GABRA3: variants seen among roughly 807,000 people sequenced by gnomAD.
GABRA3 encodes gamma-aminobutyric acid type A receptor subunit alpha3.
Under a neutral mutation model 30.1 loss-of-function variants are expected in GABRA3, and 10 were observed. The ratio of observed to expected loss-of-function variants is 0.33; its 90% CI spans 0.20 to 0.56. The LOEUF (loss-of-function observed/expected upper bound fraction) is 0.56. Among genes scored for constraint, GABRA3 ranks in the 20% least tolerant of loss-of-function variants. GABRA3 has a pLI of 0.89. For missense variants in GABRA3, 233 were observed against 392.0 expected, an observed-to-expected ratio of 0.59 and a Z score of 3.42; for synonymous variants, 151 against 146.8, an observed-to-expected ratio of 1.03 and a Z score of -0.21.
At chrX:152,323,651 T>C (rs773757772) in intron 3 of GABRA3, among the ~76,000 whole-genome samples, 4 of 112,421 alleles carry the variant, frequency 3.6e-5, no homozygotes, top group African/African-American at 1.3e-4. Flanking sequence ...TATATTCTTT[T>C]CTTCACATTC....
chrX:152,308,523 A>C (rs752014561), intron 3 of GABRA3, among the ~76,000 whole-genome samples: 7 of 112,376 alleles, frequency 6.2e-5, no homozygotes, highest in Non-Finnish European at 1.3e-4. Context: ...CACACAGCCC[A>C]GGAATGCTGA....
intron 5 of GABRA3, among the ~76,000 whole-genome samples, chrX:152,231,288 TAC>T (rs1938072376): frequency 9.2e-6 from 1 of 108,738 alleles, no homozygotes; most frequent in Non-Finnish European, 1.9e-5. Context: ...TGTATACATA[TAC>T]GTGTATATAT....
chrX:152,259,813 G>A lies in GABRA3; in HGVS notation c.331-3815C>T, dbSNP rs1036252116. On this transcript the variant is annotated intron_variant, in intron 4 of 9. Transcript: ENST00000370314. ...GGTGAGACTCAGTACATTCCCAGCT[G>A]TGATGGCTATGGTACTAGACGCTTT... 1.8e-5 allele frequency among the ~76,000 whole-genome samples: 2 copies of A among 110,595 alleles called. 1 individual carries two copies. The highest frequency in any genetic ancestry group is 3.8e-5 in the Non-Finnish European group (2 of 52,914).
chrX:152,389,581 T>C (rs1473162667), intron 1 of GABRA3: 1 of 111,200 alleles, frequency 9.0e-6, no homozygotes, highest in Non-Finnish European at 1.9e-5. Flanking sequence ...CAAGAACACA[T>C]CTATGCAGCC....
At chrX:152,387,326 A>C (rs1446613806) in intron 1 of GABRA3, among the ~76,000 whole-genome samples, 1 of 111,831 alleles carries the variant, frequency 8.9e-6, no homozygotes, top group Admixed American at 9.5e-5. Flanking sequence ...AAGGAAAATC[A>C]TGATTCCATT....
In GABRA3 at chrX:152,189,740, A is replaced by C. The variant is rs200749137; in HGVS notation, c.1133T>G (p.Leu378Arg). The C allele has an allele frequency of 8.3e-7, 1 of 1,202,903 alleles. No individual in the cohort carries two copies. The highest frequency in any genetic ancestry group is 1.1e-6 in the Non-Finnish European group (1 of 889,093). Residue 378 changes from leucine (L) to arginine (R), a missense_variant, in exon 9 of 10, where the codon CTG becomes CGG. Transcript: ENST00000370314. ...AWEGKKVPEALEMKKKTPAAP... is the reference protein window; with the variant it reads ...AWEGKKVPEAREMKKKTPAAP... ...TTTGCTATATCTCACCTTCATCTCC[A>C]GGGCCTCTGGCACCTTCTTGCCTTC...
chrX:152,298,685 A>G, intron 3 of GABRA3, among the ~76,000 whole-genome samples: 1 of 111,166 alleles, frequency 9.0e-6, no homozygotes, highest in Non-Finnish European at 1.9e-5. Context: ...TAATAAACAT[A>G]CGTGTGCATG....
At chrX:152,330,871 A>G (rs1292543843) in intron 3 of GABRA3, among the ~76,000 whole-genome samples, 2 of 111,745 alleles carry the variant, frequency 1.8e-5, no homozygotes, top group Non-Finnish European at 1.9e-5. Flanking sequence ...ACTGTTTCCT[A>G]TGTATTCATA....
chrX:152,308,860 T>C (rs183131357), intron 3 of GABRA3, among the ~76,000 whole-genome samples: 6 of 112,217 alleles, frequency 5.3e-5, no homozygotes, highest in South Asian at 3.7e-4. Context: ...GTGAAGAAAG[T>C]TGAAACTCAA....
In GABRA3 at chrX:152,284,751, T is replaced by C; in HGVS notation, c.263-16A>G. The stretch of plus-strand genomic sequence containing the variant: ...GTCACTGCATCTGCGTGAAAGAAAG[T>C]AGAAAAGCAGAATGTCAGGAAAGGC... On this transcript the variant is annotated splice_polypyrimidine_tract_variant and intron_variant, in intron 3 of 9. Transcript: ENST00000370314. 1 of 1,145,807 alleles carries C rather than the reference T, an allele frequency of 8.7e-7. No homozygotes were observed. The highest frequency in any genetic ancestry group is 1.2e-6 in the Non-Finnish European group (1 of 843,086). The allele number at this position is 1,145,807 out of a possible 1,213,427, so 94.4% of individuals were successfully genotyped here.
At chrX:152,395,697 G>A (rs1417856575) in intron 1 of GABRA3, among the ~76,000 whole-genome samples, 7 of 111,627 alleles carry the variant, frequency 6.3e-5, no homozygotes, top group Non-Finnish European at 1.1e-4. Flanking sequence ...AGACTATATC[G>A]CTGTAAATAC....
rs146033754 is a variant in GABRA3, at chrX:152,389,720, G to A, written c.-26-25124C>T. ...CAAAATGAGCTCTTGACTATGTTATGAGAAGATGATATAGAAGGAGACAAC... is the reference window on the plus strand; with the variant it reads ...CAAAATGAGCTCTTGACTATGTTATAAGAAGATGATATAGAAGGAGACAAC... On this transcript the variant is annotated intron_variant, in intron 1 of 9. Coordinates refer to ENST00000370314, the MANE Select transcript of GABRA3 (RefSeq NM_000808.4). 6.8e-3 allele frequency among the ~76,000 whole-genome samples: 759 copies of A among 111,427 alleles called. 11 individuals are homozygous for A. The highest frequency in any genetic ancestry group is 0.023 in the African/African-American group (711 of 30,726).
At chrX:152,241,746 C>T (rs370204811) in intron 5 of GABRA3, among the ~76,000 whole-genome samples, 5 of 109,614 alleles carry the variant, frequency 4.6e-5, no homozygotes, top group South Asian at 4.1e-4. Flanking sequence ...GCGCAATATT[C>T]GGGTGGGAGT....
At chrX:152,313,023 G>A (rs1603239560) in intron 3 of GABRA3, among the ~76,000 whole-genome samples, 1 of 111,952 alleles carries the variant, frequency 8.9e-6, no homozygotes, top group Admixed American at 9.5e-5. Context: ...TTCAGCCACT[G>A]TGATGCAATT....
chrX:152,360,992 G>A (rs1222889785), intron 2 of GABRA3, among the ~76,000 whole-genome samples: 1 of 105,613 alleles, frequency 9.5e-6, no homozygotes, highest in Non-Finnish European at 1.9e-5. Flanking sequence ...GGAGGATCAT[G>A]TGATCATGTG....
At chrX:152,275,199 T>A (rs865900599) in intron 4 of GABRA3, among the ~76,000 whole-genome samples, 4 of 65,844 alleles carry the variant, frequency 6.1e-5, no homozygotes, top group Admixed American at 2.4e-4. Flanking sequence ...ATATATATAA[T>A]TTATATATAT....
intron 1 of GABRA3, among the ~76,000 whole-genome samples, chrX:152,448,247 G>C (rs1285646856): frequency 8.9e-6 from 1 of 112,087 alleles, no homozygotes; most frequent in East Asian, 2.8e-4. Context: ...TGCAAAATCC[G>C]AGGCCCCTGC....
intron 2 of GABRA3, among the ~76,000 whole-genome samples, chrX:152,354,888 A>C (rs1311683685): frequency 2.7e-5 from 3 of 111,849 alleles, no homozygotes; most frequent in Non-Finnish European, 3.8e-5. Context: ...TGCTAAGAGT[A>C]TTGATGCATT....
intron 7 of GABRA3, among the ~76,000 whole-genome samples, chrX:152,204,803 T>C (rs1276893442): frequency 8.9e-6 from 1 of 111,872 alleles, no homozygotes; most frequent in Non-Finnish European, 1.9e-5. Flanking sequence ...ACAAAACAAA[T>C]GTATTCTTTC....
Sources: allele counts gnomAD v4.1 joint callset (sites outside exome capture counted in the v4.1 genomes callset), GRCh38; gene constraint gnomAD v4.1.1; transcripts MANE v1.5; gene names NCBI Gene and HGNC (gene_info 2026-07-23, HGNC 2026-07-21).